ZNF609: variants seen among roughly 807,000 people sequenced by gnomAD.
ZNF609 encodes zinc finger protein 609.
In ZNF609, 11 loss-of-function variants were observed where a neutral mutation model predicts 109.5. The observed-to-expected ratio is 0.10, with a 90% confidence interval of 0.06 to 0.17. ZNF609 has a LOEUF of 0.17. Among genes scored for constraint, ZNF609 ranks in the 10% least tolerant of loss-of-function variants. ZNF609 has a pLI of 1.00. For synonymous variants in ZNF609, 646 were observed against 662.0 expected (o/e 0.98, Z 0.37); for missense variants, 1,559 against 1,772.4 (o/e 0.88, Z 2.16).
intron 2 of ZNF609, among the ~76,000 whole-genome samples, chr15:64,621,767 CTTTTT>C (rs11327193): frequency 7.2e-6 from 1 of 138,418 alleles, no homozygotes. Flanking sequence ...TTGCTTCTTT[CTTTTT>C]TTTTTTTTTT....
intron 3 of ZNF609, among the ~76,000 whole-genome samples, chr15:64,659,360 C>T (rs1165095317): frequency 6.6e-6 from 1 of 152,122 alleles, no homozygotes; most frequent in African/African-American, 2.4e-5. Context: ...TCCCCATGGA[C>T]TTTGAGTTCC....
At chr15:64,548,192 A>G (rs1200060379) in intron 2 of ZNF609, among the ~76,000 whole-genome samples, 1 of 152,240 alleles carries the variant, frequency 6.6e-6, no homozygotes, top group African/African-American at 2.4e-5. Flanking sequence ...TTTTTTCAAC[A>G]GTTACAAACA....
chr15:64,527,530 C>T (rs1048550872), intron 2 of ZNF609, among the ~76,000 whole-genome samples: 1 of 152,068 alleles, frequency 6.6e-6, no homozygotes, highest in Admixed American at 6.6e-5. Flanking sequence ...CCATTCCCTG[C>T]CCTGACATCT....
At chr15:64,538,978 G>A (rs1254347382) in intron 2 of ZNF609, among the ~76,000 whole-genome samples, 2 of 152,048 alleles carry the variant, frequency 1.3e-5, no homozygotes, top group African/African-American at 4.8e-5. Context: ...GGGGCTACAT[G>A]CATGCACCAC....
intron 2 of ZNF609, among the ~76,000 whole-genome samples, chr15:64,531,482 CCG>C (rs1894060181): frequency 6.6e-6 from 1 of 152,150 alleles, no homozygotes; most frequent in South Asian, 2.1e-4. Context: ...ACTGCAACTT[CCG>C]CCTTCTGGGT....
intron 1 of ZNF609, among the ~76,000 whole-genome samples, chr15:64,484,742 G>T (rs1368416090): frequency 6.8e-6 from 1 of 146,528 alleles, no homozygotes; most frequent in Non-Finnish European, 1.5e-5. Context: ...TTGGGAGGCC[G>T]AGGCGGGCGG....
chr15:64,549,111 CTAA>C (rs963715992), intron 2 of ZNF609, among the ~76,000 whole-genome samples: 2 of 152,064 alleles, frequency 1.3e-5, no homozygotes, highest in African/African-American at 4.8e-5. Context: ...AATGGTGAAT[CTAA>C]TAATAATAAG....
chr15:64,628,051 T>A (rs1201930392), intron 3 of ZNF609, among the ~76,000 whole-genome samples: 1 of 150,984 alleles, frequency 6.6e-6, no homozygotes, highest in Non-Finnish European at 1.5e-5. Flanking sequence ...TGCAGATGGA[T>A]CACTTGAGCC....
intron 2 of ZNF609, chr15:64,528,988 G>T: frequency 6.6e-7 from 1 of 1,508,478 alleles, no homozygotes; most frequent in Admixed American, 1.8e-5. Flanking sequence ...GGCCATGCCA[G>T]TGAGCTTCCC....
At chr15:64,490,564 G>A (rs548793681) in intron 1 of ZNF609, among the ~76,000 whole-genome samples, 11 of 152,046 alleles carry the variant, frequency 7.2e-5, no homozygotes, top group South Asian at 4.2e-4. Flanking sequence ...ATGAGCCACC[G>A]TGCCCAGCCC....
intron 2 of ZNF609, among the ~76,000 whole-genome samples, chr15:64,558,697 T>C (rs891795205): frequency 9.2e-5 from 14 of 152,206 alleles, no homozygotes; most frequent in Non-Finnish European, 1.5e-4. Flanking sequence ...CATCACATCC[T>C]TCTTGATTGG....
rs62023983 is a variant in ZNF609, at chr15:64,680,767, C to T, written c.4067C>T (p.Thr1356Ile). The T allele has an allele frequency of 1.9e-6, 3 of 1,613,398 alleles. No individual in the cohort carries two copies. The highest frequency in any genetic ancestry group is 2.5e-6 in the Non-Finnish European group (3 of 1,179,870). The change falls in exon 8 of 10, where the codon ACC (threonine) becomes ATC (isoleucine). Residue 1356 changes from threonine (T) to isoleucine (I), a missense_variant. This residue lies in a region of ZNF609 where 1,204 missense variants were observed against 1,314.1 expected (regional missense o/e 0.92). Coordinates refer to ENST00000326648, the MANE Select transcript of ZNF609 (RefSeq NM_015042.2). ...GGERSVDRPRTSPSQRLMSTH... is the reference protein window; with the variant it reads ...GGERSVDRPRISPSQRLMSTH... ...GAACGGAGTGTTGACCGGCCCCGCA[C>T]CTCTCCTTCCCAGCGCCTGATGTCC... is the stretch of plus-strand genomic sequence containing the variant.
chr15:64,577,661 A>T (rs1485937703), intron 2 of ZNF609, among the ~76,000 whole-genome samples: 1 of 128,056 alleles, frequency 7.8e-6, no homozygotes, highest in African/African-American at 3.0e-5. Context: ...ATGTGTATAT[A>T]TACACATATA....
At chr15:64,481,927 G>C (rs1893259737) in intron 1 of ZNF609, among the ~76,000 whole-genome samples, 1 of 152,006 alleles carries the variant, frequency 6.6e-6, no homozygotes, top group Non-Finnish European at 1.5e-5. Flanking sequence ...TGGGATTATA[G>C]TCACACGCCA....
chr15:64,584,693 A>T (rs1895166444), intron 2 of ZNF609, among the ~76,000 whole-genome samples: 1 of 151,862 alleles, frequency 6.6e-6, no homozygotes. Flanking sequence ...CAATGGTGCA[A>T]GCTCGGCTCA....
chr15:64,495,677 G>C (rs1341717304), intron 1 of ZNF609, among the ~76,000 whole-genome samples: 1 of 151,670 alleles, frequency 6.6e-6, no homozygotes, highest in East Asian at 1.9e-4. Flanking sequence ...AGGCCCAGAA[G>C]TGCTGGGATT....
At chr15:64,512,740 T>G (rs577548945) in intron 2 of ZNF609, among the ~76,000 whole-genome samples, 60 of 152,248 alleles carry the variant, frequency 3.9e-4, no homozygotes, top group African/African-American at 1.3e-3. Context: ...GCTGAGATTT[T>G]TAAGTCTTAT....
intron 2 of ZNF609, among the ~76,000 whole-genome samples, chr15:64,553,957 C>T (rs934165284): frequency 6.6e-6 from 1 of 152,204 alleles, no homozygotes; most frequent in African/African-American, 2.4e-5. Flanking sequence ...ACTGATATAT[C>T]AGTTCTTAGT....
intron 3 of ZNF609, among the ~76,000 whole-genome samples, chr15:64,648,047 A>G (rs1278090591): frequency 1.3e-5 from 2 of 152,222 alleles, no homozygotes; most frequent in African/African-American, 2.4e-5. Context: ...AGCCCAAAAT[A>G]AACCTACAGG....
Sources: gnomAD v4.1 joint callset for allele counts (sites outside exome capture counted in the v4.1 genomes callset) on GRCh38, gnomAD v4.1.1 for gene constraint, gnomAD v4.1.1 regional missense constraint, MANE v1.5 for transcripts, NCBI Gene and HGNC (gene_info 2026-07-23, HGNC 2026-07-21) for gene names.